DDX19A: variants seen among roughly 807,000 people sequenced by gnomAD.
DDX19A encodes the protein DEAD-box helicase 19A, also known as ATP-dependent RNA helicase DDX19A.
In DDX19A, 12 loss-of-function variants were observed where a neutral mutation model predicts 60.6. The ratio of observed to expected loss-of-function variants is 0.20; its 90% CI spans 0.13 to 0.32. The LOEUF (loss-of-function observed/expected upper bound fraction) is 0.32, where lower values mean the gene tolerates loss of function less well. Among genes scored for constraint, DDX19A ranks in the 10% least tolerant of loss-of-function variants. The pLI is 1.00. For missense variants in DDX19A, 337 were observed against 600.6 expected (o/e 0.56, Z 4.59); for synonymous variants, 206 against 218.2 (o/e 0.94, Z 0.49).
At chr16:70,367,406 A>G (rs1964550386) in intron 9 of DDX19A, among the ~76,000 whole-genome samples, 1 of 151,648 alleles carries the variant, frequency 6.6e-6, no homozygotes, top group Non-Finnish European at 1.5e-5. Flanking sequence ...CCAGCCTGGC[A>G]ACAGAGAGAG....
chr16:70,367,767 C>T (rs1369002362), intron 9 of DDX19A, among the ~76,000 whole-genome samples: 1 of 151,974 alleles, frequency 6.6e-6, no homozygotes, highest in African/African-American at 2.4e-5. Context: ...ATCCCAGCTA[C>T]TCGGGAGGCT....
chr16:70,353,395 C>G (rs192971491), intron 2 of DDX19A, among the ~76,000 whole-genome samples: 6 of 151,432 alleles, frequency 4.0e-5, no homozygotes, highest in Non-Finnish European at 8.8e-5. Context: ...ATTACAGGCA[C>G]GAGCCACCAC....
rs1215275539 is a variant in DDX19A at position 70,365,223 on chromosome 16, AT to A, written c.604+94del. On this transcript the variant is annotated intron_variant, in intron 7 of 11. Transcript: ENST00000302243. ...TGCGATGACCGTATTCAACTTTCTA[AT>A]TCAGTCTGACCCTGGAGCCTAACTG... 6.2e-6 allele frequency: 5 copies of A among 812,190 alleles called. No homozygotes were observed. In the South Asian group the frequency reaches 7.7e-5, roughly 13 times the overall value. 50.3% of individuals were successfully genotyped at this position (812,190 alleles called of 1,614,324 possible).
At chr16:70,352,889 C>T (rs1964066960) in intron 2 of DDX19A, among the ~76,000 whole-genome samples, 1 of 151,950 alleles carries the variant, frequency 6.6e-6, no homozygotes, top group Non-Finnish European at 1.5e-5. Context: ...CCGCCCACCT[C>T]AGCCTCCCAA....
chr16:70,347,255 C>G (rs1963861832), intron 1 of DDX19A: 2 of 587,906 alleles, frequency 3.4e-6, no homozygotes, highest in Non-Finnish European at 6.1e-6. Context: ...TTAAGGACTT[C>G]ATCCTTTGGT....
rs1414338501 is a variant in DDX19A, at chr16:70,347,304, A to G, written c.57+256A>G. 7.3e-5 allele frequency: 38 copies of G among 519,134 alleles called. 2 individuals are homozygous for G. In the South Asian group the frequency reaches 9.8e-4, roughly 13 times the overall value. 32.2% of individuals were successfully genotyped at this position (519,134 alleles called of 1,614,324 possible). ...TATGCATGCTGTCATTCCTCTATTG[A>G]CCTCCTCGGTGACGATTATAAGGAA... On this transcript the variant is annotated intron_variant, in intron 1 of 11. Transcript: ENST00000302243.
chr16:70,347,042 C>T lies in DDX19A; in HGVS notation c.51C>T (p.Val17=), dbSNP rs45472097. Residue 17 remains valine, a synonymous_variant, in exon 1 of 12, where the codon GTC becomes GTT. Coordinates refer to ENST00000302243, the MANE Select transcript of DDX19A (RefSeq NM_018332.5). ...CGGTGGACGAGCAGGAAGCGGCTGT[C>T]AAGTCGGTCAGTAGCTCAGCTCCTG... is the stretch of plus-strand genomic sequence containing the variant. ...ALAVDEQEAA[V]KSMTNLQIKE... The T allele has an allele frequency of 6.2e-7, 1 of 1,612,060 alleles. No homozygotes were observed. Among genetic ancestry groups the T allele is most frequent in the East Asian group, 2.2e-5 (1 of 44,854 alleles).
intron 4 of DDX19A, among the ~76,000 whole-genome samples, chr16:70,358,790 T>C (rs1306989985): frequency 6.6e-6 from 1 of 152,190 alleles, no homozygotes; most frequent in Non-Finnish European, 1.5e-5. Flanking sequence ...GAGGTTGCAG[T>C]GAGCCGAGAT....
At chr16:70,371,146 A>C in intron 10 of DDX19A, 1 of 721,854 alleles carries the variant, frequency 1.4e-6, no homozygotes, top group Non-Finnish European at 2.3e-6. Flanking sequence ...CTCCCAGAGG[A>C]TTACCGACTG....
chr16:70,362,741 C>A (rs768047144), intron 5 of DDX19A, among the ~76,000 whole-genome samples: 1 of 152,058 alleles, frequency 6.6e-6, no homozygotes, highest in Non-Finnish European at 1.5e-5. Flanking sequence ...CCATGCCCAG[C>A]TGACTTTAAA....
chr16:70,363,615 G>C (rs1964432561), intron 5 of DDX19A: 1 of 151,970 alleles, frequency 6.6e-6, no homozygotes, highest in Non-Finnish European at 1.5e-5. Flanking sequence ...GATTACAGGC[G>C]TGAGCCACCG....
At chr16:70,353,464 C>T (rs1173903370) in intron 2 of DDX19A, among the ~76,000 whole-genome samples, 1 of 152,068 alleles carries the variant, frequency 6.6e-6, no homozygotes, top group Non-Finnish European at 1.5e-5. Flanking sequence ...GACACAGTGG[C>T]TCATGCCTGT....
At chr16:70,355,814 G>C in intron 3 of DDX19A, 4 of 572,078 alleles carry the variant, frequency 7.0e-6, no homozygotes, top group Non-Finnish European at 1.2e-5. Flanking sequence ...ATTTCAAAAT[G>C]AGCTGGGTGT....
At chr16:70,369,746 T>C (rs996031610) in intron 9 of DDX19A, among the ~76,000 whole-genome samples, 4 of 151,550 alleles carry the variant, frequency 2.6e-5, no homozygotes, top group African/African-American at 9.7e-5. Flanking sequence ...CTCCCTCAAG[T>C]AGCTGGGACT....
At chr16:70,347,529 T>G (rs2152221702) in intron 1 of DDX19A, among the ~76,000 whole-genome samples, 1 of 152,352 alleles carries the variant, frequency 6.6e-6, no homozygotes, top group East Asian at 1.9e-4. Flanking sequence ...ACAAATTGTT[T>G]CATTGATGTG....
chr16:70,364,739 C>G, intron 6 of DDX19A, 94 bp downstream of exon 6: 1 of 949,926 alleles, frequency 1.1e-6, no homozygotes, highest in Non-Finnish European at 1.7e-6. Context: ...AAGCTTCTGA[C>G]ACCTTAGGCT....
intron 1 of DDX19A, among the ~76,000 whole-genome samples, chr16:70,348,359 C>T (rs541951085): frequency 1.4e-4 from 21 of 152,154 alleles, no homozygotes; most frequent in Admixed American, 7.2e-4. Context: ...GGCATGATGG[C>T]ACCCACCTGT....
At chr16:70,367,289 G>A (rs1266608925) in intron 9 of DDX19A, among the ~76,000 whole-genome samples, 2 of 151,950 alleles carry the variant, frequency 1.3e-5, no homozygotes, top group African/African-American at 2.4e-5. Context: ...TTAGCGCGGC[G>A]TGGTGGCGGG....
At chr16:70,366,440 A>G in intron 8 of DDX19A, 178 bp downstream of exon 8, 1 of 1,236,002 alleles carries the variant, frequency 8.1e-7, no homozygotes, top group Non-Finnish European at 1.1e-6. Context: ...ACCTGGGTTG[A>G]GAAAGGAGAC....
Sources: allele counts gnomAD v4.1 joint callset (sites outside exome capture counted in the v4.1 genomes callset), GRCh38; gene constraint gnomAD v4.1.1; transcripts MANE v1.5; gene names NCBI Gene and HGNC (gene_info 2026-07-23, HGNC 2026-07-21).